Variants in GRM7 observed in about 807,000 individuals in gnomAD.
The protein encoded by GRM7 is metabotropic glutamate receptor 7.
In GRM7, 35 loss-of-function variants were observed where a neutral mutation model predicts 84.5. The observed-to-expected ratio is 0.41, with a 90% CI of 0.32 to 0.55. The LOEUF is 0.55. Ranked by LOEUF, GRM7 falls within the 20% of genes least tolerant of loss-of-function variation. The pLI, the probability that GRM7 is intolerant of heterozygous loss-of-function variation, is 0.19. For missense variants in GRM7, 1,003 were observed against 1,194.6 expected (o/e 0.84, Z 2.36); for synonymous variants, 487 against 455.1 (o/e 1.07, Z -0.89).
rs1280689196 is a variant in GRM7, at chr3:7,151,993, TA to T, written c.736+5327del. On this transcript the variant is annotated intron_variant, in intron 2 of 9. Coordinates refer to ENST00000357716, the MANE Select transcript of GRM7 (RefSeq NM_000844.4). The surrounding 1 kb of genome is among the most constrained non-coding windows in gnomAD (Gnocchi z 4.5). ...TTTAAAACTAGGTAGATTATTTTCC[TA>T]ATGAGGTGTTTGGTGGTTCCAGCTT... is the stretch of plus-strand genomic sequence containing the variant. Among the ~76,000 whole-genome samples, 6 of 152,208 alleles carry T rather than the reference TA, an allele frequency of 3.9e-5. No homozygotes were observed. The highest frequency in any genetic ancestry group is 1.2e-4 in the African/African-American group (5 of 41,456).
intron 2 of GRM7, among the ~76,000 whole-genome samples, chr3:7,177,722 T>C (rs894642442): frequency 3.3e-5 from 5 of 152,148 alleles, no homozygotes; most frequent in African/African-American, 1.2e-4. Context: ...TCATGATATA[T>C]AATGTGTTTT....
intron 7 of GRM7, among the ~76,000 whole-genome samples, chr3:7,523,919 A>G (rs1418169528): frequency 6.6e-6 from 1 of 152,118 alleles, no homozygotes; most frequent in Non-Finnish European, 1.5e-5. Flanking sequence ...TAGTCTCTCA[A>G]CATAGTTTTC....
intron 2 of GRM7, among the ~76,000 whole-genome samples, chr3:7,203,220 C>T (rs1696124832): frequency 6.6e-6 from 1 of 152,184 alleles, no homozygotes; most frequent in South Asian, 2.1e-4. Flanking sequence ...TCCATCTACA[C>T]ACCCTTCCTA....
intron 1 of GRM7, among the ~76,000 whole-genome samples, chr3:6,880,881 T>C (rs1287940083): frequency 6.6e-6 from 1 of 152,198 alleles, no homozygotes; most frequent in Non-Finnish European, 1.5e-5. Flanking sequence ...AAGCAATGTG[T>C]GTAATGCTTC....
intron 2 of GRM7, among the ~76,000 whole-genome samples, chr3:7,296,392 A>C (rs1348723375): frequency 6.6e-6 from 1 of 152,058 alleles, no homozygotes; most frequent in African/African-American, 2.4e-5. Flanking sequence ...GTATTAGGTA[A>C]TACCTCATAA....
At chr3:7,429,534 T>G (rs1308142723) in intron 5 of GRM7, among the ~76,000 whole-genome samples, 1 of 152,198 alleles carries the variant, frequency 6.6e-6, no homozygotes, top group Non-Finnish European at 1.5e-5. Flanking sequence ...GAGATGCACT[T>G]GAGAGTCTTC....
intron 7 of GRM7, among the ~76,000 whole-genome samples, chr3:7,574,326 A>T (rs1575511883): frequency 6.6e-6 from 1 of 151,886 alleles, no homozygotes; most frequent in African/African-American, 2.4e-5. Context: ...TGCCTGGCTA[A>T]TTTTTGTAGT....
intron 8 of GRM7, among the ~76,000 whole-genome samples, chr3:7,623,583 G>C (rs755376577): frequency 6.6e-6 from 1 of 152,128 alleles, no homozygotes; most frequent in Non-Finnish European, 1.5e-5. Flanking sequence ...CAGTGAGTCT[G>C]TCTGATGAGC....
intron 1 of GRM7, among the ~76,000 whole-genome samples, chr3:7,010,489 A>C (rs1461218703): frequency 6.6e-6 from 1 of 152,212 alleles, no homozygotes; most frequent in Non-Finnish European, 1.5e-5. Context: ...GATTCTGGCT[A>C]AACTGATCTA....
chr3:6,971,006 A>ACAAG (rs1693733087), intron 1 of GRM7, among the ~76,000 whole-genome samples: 1 of 151,526 alleles, frequency 6.6e-6, no homozygotes, highest in Non-Finnish European at 1.5e-5. Context: ...AAACAAACAA[A>ACAAG]CAAACAAAAC....
chr3:7,547,194 CTTTTTTTTTTTTTTTTTT>C (rs55678792), intron 7 of GRM7, among the ~76,000 whole-genome samples: 2 of 76,430 alleles, frequency 2.6e-5, no homozygotes, highest in African/African-American at 5.7e-5. Context: ...AGAGTGAATT[CTTTTTTTTTTTTTTTTTT>C]TTTTTTTTTT....
intron 5 of GRM7, among the ~76,000 whole-genome samples, chr3:7,449,629 G>A (rs1298363610): frequency 3.1e-5 from 1 of 32,336 alleles, no homozygotes; most frequent in Non-Finnish European, 5.8e-5. Context: ...AGTAAACCAT[G>A]AAACAGATTT....
At chr3:7,079,953 T>C (rs1698224710) in intron 1 of GRM7, among the ~76,000 whole-genome samples, 1 of 152,158 alleles carries the variant, frequency 6.6e-6, no homozygotes, top group African/African-American at 2.4e-5. Flanking sequence ...TGCCAGAGTT[T>C]GCTTAATGAA....
intron 1 of GRM7, among the ~76,000 whole-genome samples, chr3:6,994,848 T>C (rs1272229668): frequency 1.3e-5 from 2 of 152,332 alleles, no homozygotes; most frequent in African/African-American, 4.8e-5. Context: ...ATTTGGATGA[T>C]TCGGCCAAAT....
chr3:7,627,787 T>G (rs955423230), intron 8 of GRM7, among the ~76,000 whole-genome samples: 3 of 152,152 alleles, frequency 2.0e-5, no homozygotes, highest in Non-Finnish European at 4.4e-5. Context: ...GATGGCTGCC[T>G]CCACCTGTGT....
chr3:7,385,852 T>C (rs913841472), intron 4 of GRM7, among the ~76,000 whole-genome samples: 2 of 152,222 alleles, frequency 1.3e-5, no homozygotes, highest in African/African-American at 2.4e-5. Context: ...GTTAAAGATA[T>C]TGTGGTATAT....
chr3:6,971,607 C>A (rs985270528), intron 1 of GRM7, among the ~76,000 whole-genome samples: 14 of 152,196 alleles, frequency 9.2e-5, no homozygotes, highest in African/African-American at 2.9e-4. Context: ...TAGCATCATG[C>A]ATTGCTAAAT....
intron 2 of GRM7, among the ~76,000 whole-genome samples, chr3:7,225,039 C>G (rs998861646): frequency 1.3e-5 from 2 of 152,020 alleles, no homozygotes; most frequent in Admixed American, 6.6e-5. Context: ...AATATTTAGT[C>G]TGTGCAGCAT....
chr3:7,395,596 A>G (rs574756316), intron 4 of GRM7, among the ~76,000 whole-genome samples: 1 of 152,288 alleles, frequency 6.6e-6, no homozygotes, highest in East Asian at 1.9e-4. Context: ...AATTTTCTTC[A>G]TACTGTCCTC....
Sources: allele counts gnomAD v4.1 joint callset (sites outside exome capture counted in the v4.1 genomes callset), GRCh38; gene constraint gnomAD v4.1.1; non-coding constraint Gnocchi (gnomAD v3.1); transcripts MANE v1.5; gene names NCBI Gene and HGNC (gene_info 2026-07-23, HGNC 2026-07-21).